MCUR1: variants seen among roughly 807,000 people sequenced by gnomAD.
MCUR1 encodes the protein mitochondrial calcium uniporter regulator 1, also known as MCU regulator 1.
MCUR1 carries 37 observed loss-of-function variants against 42.0 expected under a neutral mutation model. That is an observed-to-expected ratio of 0.88 (90% CI 0.68 to 1.16). The LOEUF (loss-of-function observed/expected upper bound fraction) is 1.16. MCUR1 is among the 50% of genes most tolerant of loss of function. The pLI, the probability that MCUR1 is intolerant of heterozygous loss-of-function variation, is 0.00. For synonymous variants in MCUR1, 229 were observed against 196.2 expected (o/e 1.17, Z -1.40); for missense variants, 469 against 468.4 (o/e 1.00, Z -0.01).
chr6:13,807,199 CA>C (rs1178055537), intron 1 of MCUR1, among the ~76,000 whole-genome samples, 155 bp from the exon 2 acceptor site: 1 of 152,160 alleles, frequency 6.6e-6, no homozygotes, highest in East Asian at 1.9e-4. Flanking sequence ...GCATACAGTT[CA>C]ATAGGTTTTG....
At chr6:13,801,229 T>A in intron 4 of MCUR1, 59 bp downstream of exon 4, 1 of 1,140,426 alleles carries the variant, frequency 8.8e-7, no homozygotes, top group East Asian at 2.4e-5. Context: ...TATGTGTATA[T>A]AATTTATCTC....
At chr6:13,813,529 T>TCTAGAAAAGCGCCAGGGACAGGGCAGACG (rs1760286003) in intron 1 of MCUR1, among the ~76,000 whole-genome samples, 3 of 152,120 alleles carry the variant, frequency 2.0e-5, no homozygotes, top group Non-Finnish European at 2.9e-5. Context: ...ATCTCACACA[T>TCTAGAAAAGCGCCAGGGACAGGGCAGACG]CTAGAAAAGC....
chr6:13,788,700 T>A lies in MCUR1; in HGVS notation c.*2109A>T, dbSNP rs1759659024. 6.6e-6 allele frequency: 1 copy of A among 152,192 alleles called. No individual in the cohort carries two copies. The highest frequency in any genetic ancestry group is 6.5e-5 in the Admixed American group (1 of 15,274). The allele number at this position is 152,192 out of a possible 1,614,324, so 9.4% of individuals were successfully genotyped here. A position where few individuals can be genotyped will look rare whatever the true frequency, so the allele number is the denominator to read the frequency against. On this transcript the variant is annotated 3_prime_UTR_variant, in exon 9 of 9. Coordinates refer to ENST00000379170, the MANE Select transcript of MCUR1 (RefSeq NM_001031713.4). The stretch of plus-strand genomic sequence containing the variant: ...AAGTGTGCTGTCTCTTCTGGGGACT[T>A]CTCTCTGAAAGGGGGATGATATATT...
At chr6:13,806,894 A>G in intron 2 of MCUR1, 31 bp downstream of exon 2, 1 of 1,544,994 alleles carries the variant, frequency 6.5e-7, no homozygotes, top group Non-Finnish European at 8.8e-7. Flanking sequence ...TGTTTTTCTA[A>G]GGCACTAAAT....
In MCUR1 at chr6:13,798,474, C is replaced by CTA. The variant is rs1759906083; in HGVS notation, c.855+358_855+359insTA. On this transcript the variant is annotated intron_variant, in intron 6 of 8. Transcript: ENST00000379170. ...GTTAATAATTTACTATTATTCAAGC[C>CTA]TGAAATAATCAACTTAACTTTTACA... is the stretch of plus-strand genomic sequence containing the variant. Among the ~76,000 whole-genome samples, 3 of 151,840 alleles carry CTA rather than the reference C, an allele frequency of 2.0e-5. No individual in the cohort carries two copies. In the South Asian group the frequency reaches 6.2e-4, roughly 32 times the overall value.
At chr6:13,795,216 A>C (rs1759829682) in intron 6 of MCUR1, among the ~76,000 whole-genome samples, 1 of 152,178 alleles carries the variant, frequency 6.6e-6, no homozygotes, top group African/African-American at 2.4e-5. Flanking sequence ...TAAAACCAAG[A>C]ACAATGCTCT....
In MCUR1 at chr6:13,788,049, A is replaced by C. The variant is rs987082594; in HGVS notation, c.*2760T>G. 2 of 151,834 alleles carry C rather than the reference A, an allele frequency of 1.3e-5. No individual in the cohort carries two copies. Among genetic ancestry groups the C allele is most frequent in the Admixed American group, 6.6e-5 (1 of 15,240 alleles). 9.4% of individuals were successfully genotyped at this position (151,834 alleles called of 1,614,324 possible). ...AGGGGTGTGCCACCACGCCTGGCTA[A>C]TTTTTCTATTTTTAGTAGCGAGAGC... is the stretch of plus-strand genomic sequence containing the variant. On this transcript the variant is annotated 3_prime_UTR_variant, in exon 9 of 9. Transcript: ENST00000379170.
At chr6:13,808,879 A>G (rs1760169417) in intron 1 of MCUR1, among the ~76,000 whole-genome samples, 1 of 152,090 alleles carries the variant, frequency 6.6e-6, no homozygotes, top group African/African-American at 2.4e-5. Flanking sequence ...CCAGTGCCAC[A>G]CTTTCTTGAT....
intron 8 of MCUR1, 101 bp downstream of exon 8, chr6:13,791,777 C>T: frequency 1.4e-6 from 1 of 725,502 alleles, no homozygotes; most frequent in Non-Finnish European, 2.2e-6. Flanking sequence ...TAAAATATTT[C>T]AGAAAGTGTT....
intron 5 of MCUR1, among the ~76,000 whole-genome samples, chr6:13,799,799 G>A (rs1026532465): frequency 2.7e-5 from 4 of 146,916 alleles, no homozygotes; most frequent in Admixed American, 6.8e-5. Flanking sequence ...ACTTAAAAAT[G>A]ACTTAATTCC....
rs9475425 is a variant in MCUR1 at position 13,792,033 on chromosome 6, G to A, written c.910-41C>T. The A allele has an allele frequency of 2.7e-3, 3,953 of 1,477,544 alleles. 67 individuals are homozygous for A. The African/African-American group carries it at 0.045, about 17-fold the overall frequency. The allele number at this position is 1,477,544 out of a possible 1,614,324, so 91.5% of individuals were successfully genotyped here. A position where few individuals can be genotyped will look rare whatever the true frequency, so the allele number is the denominator to read the frequency against. ...GAGTCACAGCGTTAGACCACAGCAC[G>A]TCCCCTCTGCTCACCATCCTATAGC... On this transcript the variant is annotated intron_variant, in intron 7 of 8. Transcript: ENST00000379170.
Position 13,806,988 on chromosome 6 carries a change from A to G in MCUR1, c.472T>C (p.Ser158Pro), listed in dbSNP as rs141658121. The change falls in exon 2 of 9, where the codon TCT becomes CCT. Residue 158 changes from serine to proline, a missense_variant. Transcript: ENST00000379170. Reference protein sequence around the residue: ...QLERKRRDFTSSGSRKLYFDT... With the variant: ...QLERKRRDFTPSGSRKLYFDT... ...AAGTAGAGTTTCCTGCTCCCAGAAG[A>G]GGTGAAATCTCTCCTTTTGCGCTCC... 5.5e-4 allele frequency: 888 copies of G among 1,613,616 alleles called. No homozygotes were observed. The highest frequency in any genetic ancestry group is 1.1e-3 in the Admixed American group (66 of 59,968).
Position 13,803,855 on chromosome 6 carries a change from G to C in MCUR1, c.536-1509C>G, listed in dbSNP as rs1760046961. On this transcript the variant is annotated intron_variant, in intron 2 of 8. Transcript: ENST00000379170. ...TTTTATTAAGAAGAGTTCACTGGCT[G>C]GGTGTGGTGGCTCACGCCTGTAATC... The C allele has an allele frequency of 8.1e-6, 8 of 985,246 alleles. No individual in the cohort carries two copies. The South Asian group carries it at 3.3e-4, about 40-fold the overall frequency. 61.0% of individuals were successfully genotyped at this position (985,246 alleles called of 1,614,324 possible). A position where few individuals can be genotyped will look rare whatever the true frequency, so the allele number is the denominator to read the frequency against.
intron 1 of MCUR1, among the ~76,000 whole-genome samples, chr6:13,807,757 C>T (rs1017521623): frequency 6.6e-6 from 1 of 152,204 alleles, no homozygotes; most frequent in Admixed American, 6.5e-5. Flanking sequence ...GCACGAGGGT[C>T]TCAATTTCTC....
In MCUR1 at chr6:13,786,864, G is replaced by A. The variant is rs563989913; in HGVS notation, c.*3945C>T. The A allele has an allele frequency of 6.6e-6, 1 of 152,252 alleles. No individual in the cohort carries two copies. The highest frequency in any genetic ancestry group is 2.1e-4 in the South Asian group (1 of 4,830). 9.4% of individuals were successfully genotyped at this position (152,252 alleles called of 1,614,324 possible). A position where few individuals can be genotyped will look rare whatever the true frequency, so the allele number is the denominator to read the frequency against. ...AACATAAGTGTAAAATGTGTAGAAA[G>A]ATAAATATTTTCCAAATAAAATTCT... On this transcript the variant is annotated 3_prime_UTR_variant, in exon 9 of 9. Coordinates refer to ENST00000379170, the MANE Select transcript of MCUR1 (RefSeq NM_001031713.4).
chr6:13,808,952 T>G (rs1384236785), intron 1 of MCUR1, among the ~76,000 whole-genome samples: 1 of 152,190 alleles, frequency 6.6e-6, no homozygotes, highest in African/African-American at 2.4e-5. Flanking sequence ...GCTCTTGACG[T>G]TTTTTTAAGA....
In MCUR1 at chr6:13,798,898, C is replaced by G. The variant is rs1324182803; in HGVS notation, c.790G>C (p.Val264Leu). 6.3e-7 allele frequency: 1 copy of G among 1,587,706 alleles called. No individual in the cohort carries two copies. Among genetic ancestry groups the G allele is most frequent in the African/African-American group, 1.3e-5 (1 of 74,480 alleles). The stretch of plus-strand genomic sequence containing the variant: ...TTGGTATCTGTTCGGACTTTGATCA[C>G]TTCATCCTAAAAGGAGGGCAAACAA... ...HQLKQQVMDE[V>L]IKVRTDTKLD... Residue 264 changes from valine (V) to leucine (L), a missense_variant, in exon 6 of 9, where the codon GTG becomes CTG. Coordinates refer to ENST00000379170, the MANE Select transcript of MCUR1 (RefSeq NM_001031713.4).
chr6:13,787,057 T>C lies in MCUR1; in HGVS notation c.*3752A>G, dbSNP rs1016147175. On this transcript the variant is annotated 3_prime_UTR_variant, in exon 9 of 9. Coordinates refer to ENST00000379170, the MANE Select transcript of MCUR1 (RefSeq NM_001031713.4). ...TCTATATACCATCTCTATATTTGTTTAGAATTTTGCAAAATTCTTAGAAGA... is the reference window on the plus strand; with the variant it reads ...TCTATATACCATCTCTATATTTGTTCAGAATTTTGCAAAATTCTTAGAAGA... 9.2e-5 allele frequency: 14 copies of C among 152,202 alleles called. No individual in the cohort carries two copies. The highest frequency in any genetic ancestry group is 3.4e-4 in the African/African-American group (14 of 41,456). 9.4% of individuals were successfully genotyped at this position (152,202 alleles called of 1,614,324 possible).
chr6:13,787,538 G>C lies in MCUR1; in HGVS notation c.*3271C>G, dbSNP rs1221290530. Reference sequence around the variant, plus strand: ...TGGAAATCGGAGTTCAGACTCTTTAGAAAAGACAAAAGGCAGGGGAGGGGA... The same window carrying C: ...TGGAAATCGGAGTTCAGACTCTTTACAAAAGACAAAAGGCAGGGGAGGGGA... On this transcript the variant is annotated 3_prime_UTR_variant, in exon 9 of 9. Transcript: ENST00000379170. The C allele has an allele frequency of 2.6e-5, 4 of 152,150 alleles. No homozygotes were observed. The highest frequency in any genetic ancestry group is 5.9e-5 in the Non-Finnish European group (4 of 68,060). The allele number at this position is 152,150 out of a possible 1,614,324, so 9.4% of individuals were successfully genotyped here.
Sources: allele counts gnomAD v4.1 joint callset (sites outside exome capture counted in the v4.1 genomes callset), GRCh38; gene constraint gnomAD v4.1.1; transcripts MANE v1.5; gene names NCBI Gene and HGNC (gene_info 2026-07-23, HGNC 2026-07-21).